Variants in PCGF2 observed in about 807,000 individuals in gnomAD.
PCGF2 encodes polycomb group ring finger 2.
PCGF2 carries 8 observed loss-of-function variants against 36.1 expected under a neutral mutation model. That is an observed-to-expected ratio of 0.22 (90% CI 0.13 to 0.40). The LOEUF is 0.40. Ranked by LOEUF, PCGF2 falls within the 10% of genes least tolerant of loss-of-function variation. PCGF2 has a pLI of 1.00. For synonymous variants in PCGF2, 198 were observed against 191.2 expected (o/e 1.04, Z -0.29); for missense variants, 436 against 475.9 (o/e 0.92, Z 0.78).
At chr17:38,749,361 C>T (rs1045799036), upstream of PCGF2, 2 of 254,628 alleles carry the variant, frequency 7.9e-6, no homozygotes, top group Non-Finnish European at 1.7e-5. The surrounding 1 kb of genome is among the most constrained non-coding windows in gnomAD (Gnocchi z 6.5). Flanking sequence ...CCCGGCTCCA[C>T]CTGGCGCTGG....
At chr17:38,741,597 T>C (rs1289998359) in intron 2 of PCGF2, among the ~76,000 whole-genome samples, 1 of 152,192 alleles carries the variant, frequency 6.6e-6, no homozygotes, top group African/African-American at 2.4e-5. Flanking sequence ...CTTGTGCTTC[T>C]GGCTCTGCAT....
intron 3 of PCGF2, 41 bp downstream of exon 3, chr17:38,740,250 G>A (rs1453722158): frequency 1.9e-6 from 3 of 1,579,008 alleles, no homozygotes; most frequent in Non-Finnish European, 8.7e-7. Context: ...TCTGGGCACA[G>A]AGGCTGCCCA....
intron 2 of PCGF2, among the ~76,000 whole-genome samples, chr17:38,743,793 G>A (rs1907360253): frequency 6.6e-6 from 1 of 152,106 alleles, no homozygotes; most frequent in Non-Finnish European, 1.5e-5. Context: ...ACCCCAGGAG[G>A]CCCCAGGCCG....
At position 38,735,366 on chromosome 17, in the gene PCGF2, T is replaced by A. The variant is rs775970031; in HGVS notation, c.892A>T (p.Thr298Ser). The change falls in exon 11 of 11, where the codon ACC (threonine) becomes TCC (serine). Residue 298 changes from threonine to serine, a missense_variant. Thr to Ser is a moderately conservative substitution (Grantham distance 58). Transcript: ENST00000620225. Reference protein sequence around the residue: ...SSHGPPATHPTSPTPPSTASG... With the variant: ...SSHGPPATHPSSPTPPSTASG... Reference sequence around the variant, plus strand: ...GCTGTCGAAGGGGGAGTGGGGGAGGTAGGGTGGGTGGCTGGAGGCCCATGG... The same window carrying A: ...GCTGTCGAAGGGGGAGTGGGGGAGGAAGGGTGGGTGGCTGGAGGCCCATGG... 1.7e-5 allele frequency: 27 copies of A among 1,543,396 alleles called. No homozygotes were observed. Among genetic ancestry groups the A allele is most frequent in the Non-Finnish European group, 2.2e-5 (25 of 1,141,576 alleles).
chr17:38,738,907 G>A, intron 6 of PCGF2, 46 bp from the exon 7 acceptor site: 1 of 1,568,924 alleles, frequency 6.4e-7, no homozygotes, highest in Non-Finnish European at 8.8e-7. Context: ...TGTAGGAAGG[G>A]AGCCCGCCAA....
chr17:38,749,474 A>C, upstream of PCGF2: 1 of 382,318 alleles, frequency 2.6e-6, no homozygotes, highest in South Asian at 1.8e-5. The surrounding 1 kb of genome is among the most constrained non-coding windows in gnomAD (Gnocchi z 6.5). Context: ...GCGAATCGAT[A>C]CTGCGTTACT....
At chr17:38,740,714 A>G (rs549021657) in intron 2 of PCGF2, among the ~76,000 whole-genome samples, 2 of 152,178 alleles carry the variant, frequency 1.3e-5, no homozygotes, top group African/African-American at 4.8e-5. Context: ...AGCCGAGATC[A>G]TGCCACTGCA....
In PCGF2 at chr17:38,739,327, CA is replaced by C; in HGVS notation, c.210-75del. On this transcript the variant is annotated intron_variant, in intron 4 of 10. Coordinates refer to ENST00000620225, the MANE Select transcript of PCGF2 (RefSeq NM_007144.3). This position sits in a 1 kb window ranked among gnomAD's most constrained non-coding sequence, Gnocchi z 4.0. ...TCCGACCTCGCCCTGCTCTCCCAGC[CA>C]GGGTACCCCTCTTCCCACCCCCTTC... 1 of 1,354,298 alleles carries C rather than the reference CA, an allele frequency of 7.4e-7. No individual in the cohort carries two copies. Among genetic ancestry groups the C allele is most frequent in the Non-Finnish European group, 1.1e-6 (1 of 947,156 alleles). The allele number at this position is 1,354,298 out of a possible 1,614,324, so 83.9% of individuals were successfully genotyped here.
intron 10 of PCGF2, 88 bp from the exon 11 acceptor site, chr17:38,735,688 CA>C: frequency 2.8e-6 from 4 of 1,443,728 alleles, no homozygotes; most frequent in Non-Finnish European, 3.6e-6. Context: ...CTCCACCCCA[CA>C]GTGTCCAAAC....
rs1907006550 is a variant in PCGF2, at chr17:38,739,231, T to C, written c.232A>G (p.Ile78Val). The part of the protein sequence containing the change: ...SIRSDKTLQD[I>V]VYKLVPGLFK... Reference sequence around the variant, plus strand: ...AGCCCAGGGACCAATTTGTAGACAATGTCTTGAAGTGTTTTGTCAGACCTG... The same window carrying C: ...AGCCCAGGGACCAATTTGTAGACAACGTCTTGAAGTGTTTTGTCAGACCTG... The change falls in exon 5 of 11, where the codon ATT becomes GTT. Residue 78 changes from isoleucine (I) to valine (V), a missense_variant. Coordinates refer to ENST00000620225, the MANE Select transcript of PCGF2 (RefSeq NM_007144.3). This position sits in a 1 kb window ranked among gnomAD's most constrained non-coding sequence, Gnocchi z 4.0. 11 of 1,613,996 alleles carry C rather than the reference T, an allele frequency of 6.8e-6. No homozygotes were observed. The highest frequency in any genetic ancestry group is 1.3e-5 in the African/African-American group (1 of 74,988).
At position 38,739,750 on chromosome 17, in the gene PCGF2, C is replaced by T. The variant is rs1907050457; in HGVS notation, c.113-68G>A. On this transcript the variant is annotated intron_variant, in intron 3 of 10. Coordinates refer to ENST00000620225, the MANE Select transcript of PCGF2 (RefSeq NM_007144.3). The surrounding 1 kb of genome is among the most constrained non-coding windows in gnomAD (Gnocchi z 4.0). Reference sequence around the variant, plus strand: ...CAACTCCAGGACCAGCCTCCCCGCCCTCTGCTCAGACTCAGATATCCCTCC... The same window carrying T: ...CAACTCCAGGACCAGCCTCCCCGCCTTCTGCTCAGACTCAGATATCCCTCC... The T allele has an allele frequency of 4.3e-6, 5 of 1,154,196 alleles. No individual in the cohort carries two copies. Among genetic ancestry groups the T allele is most frequent in the Non-Finnish European group, 5.3e-6 (4 of 761,038 alleles). The allele number at this position is 1,154,196 out of a possible 1,614,324, so 71.5% of individuals were successfully genotyped here.
intron 9 of PCGF2, among the ~76,000 whole-genome samples, 175 bp from the exon 10 acceptor site, chr17:38,736,345 C>A (rs1906721698): frequency 6.6e-6 from 1 of 152,188 alleles, no homozygotes; most frequent in South Asian, 2.1e-4. Context: ...CAACATAACT[C>A]CTGACCACCA....
chr17:38,736,215 G>T, intron 9 of PCGF2, 45 bp from the exon 10 acceptor site: 2 of 1,311,104 alleles, frequency 1.5e-6, no homozygotes, highest in East Asian at 2.5e-5. Context: ...GCCAGCTCGG[G>T]GCTCCAGGCT....
chr17:38,736,700 G>A (rs1189759858), intron 9 of PCGF2, among the ~76,000 whole-genome samples: 2 of 152,154 alleles, frequency 1.3e-5, no homozygotes, highest in African/African-American at 4.8e-5. Flanking sequence ...TGGGCGTGGT[G>A]GCGGGTGTCT....
At position 38,735,206 on chromosome 17, in the gene PCGF2, G is replaced by C. The variant is rs1906587105; in HGVS notation, c.*17C>G. ...AGTGGAGAGGCTTGGCTGGAAGAAG[G>C]GAGAGGGTCCCTGGCCTCAAGTTAA... On this transcript the variant is annotated 3_prime_UTR_variant, in exon 11 of 11. Coordinates refer to ENST00000620225, the MANE Select transcript of PCGF2 (RefSeq NM_007144.3). 1.4e-6 allele frequency: 2 copies of C among 1,392,654 alleles called. No individual in the cohort carries two copies. Among genetic ancestry groups the C allele is most frequent in the Non-Finnish European group, 9.4e-7 (1 of 1,063,174 alleles). 86.3% of individuals were successfully genotyped at this position (1,392,654 alleles called of 1,614,324 possible).
Position 38,735,048 on chromosome 17 carries a change from A to G in PCGF2, c.*175T>C, listed in dbSNP as rs1830131138. ...TAATCTGGTTGGTCCATAGAAAATA[A>G]GTATGTATATTTGGTTTTTCCTATG... On this transcript the variant is annotated 3_prime_UTR_variant, in exon 11 of 11. Coordinates refer to ENST00000620225, the MANE Select transcript of PCGF2 (RefSeq NM_007144.3). 2.4e-6 allele frequency: 1 copy of G among 420,898 alleles called. No individual in the cohort carries two copies. Among genetic ancestry groups the G allele is most frequent in the South Asian group, 1.3e-4 (1 of 7,826 alleles). The allele number at this position is 420,898 out of a possible 1,614,324, so 26.1% of individuals were successfully genotyped here. A position where few individuals can be genotyped will look rare whatever the true frequency, so the allele number is the denominator to read the frequency against.
In PCGF2 at chr17:38,748,292, G is replaced by A; in HGVS notation, c.-230C>T. On this transcript the variant is annotated 5_prime_UTR_variant, in exon 1 of 11. Transcript: ENST00000620225. ...CCGCAGCCGTGTCGCTCGCCCGGGC[G>A]GCGGGAGGGGAGAAACCTACGGTAA... The A allele has an allele frequency of 6.8e-6, 1 of 147,832 alleles. No homozygotes were observed. The highest frequency in any genetic ancestry group is 2.0e-4 in the East Asian group (1 of 4,916). The allele number at this position is 147,832 out of a possible 1,614,324, so 9.2% of individuals were successfully genotyped here.
rs138572530 is a variant in PCGF2, at chr17:38,734,946, A to AC, written c.*276dup. On this transcript the variant is annotated 3_prime_UTR_variant, in exon 11 of 11. Transcript: ENST00000620225. Reference sequence around the variant, plus strand: ...CCCCAAAAACAGCAAATTACACAAGACCCCCCCCAAAAAAAATGAACACCA... The same window carrying AC: ...CCCCAAAAACAGCAAATTACACAAGACCCCCCCCCAAAAAAAATGAACACCA... 0.042 allele frequency: 10,648 copies of AC among 250,928 alleles called. 412 individuals carry two copies. Among genetic ancestry groups the AC allele is most frequent in the South Asian group, 0.073 (405 of 5,568 alleles). 15.5% of individuals were successfully genotyped at this position (250,928 alleles called of 1,614,324 possible). A position where few individuals can be genotyped will look rare whatever the true frequency, so the allele number is the denominator to read the frequency against.
At position 38,735,545 on chromosome 17, in the gene PCGF2, A is replaced by G; in HGVS notation, c.713T>C (p.Leu238Pro). 1 of 1,587,828 alleles carries G rather than the reference A, an allele frequency of 6.3e-7. No homozygotes were observed. The highest frequency in any genetic ancestry group is 8.6e-7 in the Non-Finnish European group (1 of 1,166,774). Residue 238 changes from leucine (L) to proline (P), a missense_variant, in exon 11 of 11, where the codon CTA (leucine) becomes CCA (proline). Transcript: ENST00000620225. The part of the protein sequence containing the change: ...RVQPACKRLT[L>P]ATVPTPSEGT... ...CTCGGAGGGGGTGGGCACCGTGGCT[A>G]GGGTGAGCCGCTTGCAGGCTGGCTG...
Sources: allele counts gnomAD v4.1 joint callset (sites outside exome capture counted in the v4.1 genomes callset), GRCh38; gene constraint gnomAD v4.1.1; non-coding constraint Gnocchi (gnomAD v3.1); transcripts MANE v1.5; gene names NCBI Gene and HGNC (gene_info 2026-07-23, HGNC 2026-07-21).